The following RALGPS2 variants were observed in gnomAD, a reference collection of about 807,000 sequenced individuals.
RALGPS2 encodes the protein ras-specific guanine nucleotide-releasing factor RalGPS2.
In RALGPS2, 43 loss-of-function variants were observed where a neutral mutation model predicts 86.8. The ratio of observed to expected loss-of-function variants is 0.50; its 90% CI spans 0.39 to 0.64. The LOEUF (loss-of-function observed/expected upper bound fraction) is 0.64. RALGPS2 is among the 30% of genes least tolerant of loss of function. The pLI is 0.00. For missense variants in RALGPS2, 536 were observed against 694.6 expected (o/e 0.77, Z 2.57); for synonymous variants, 243 against 231.3 (o/e 1.05, Z -0.46).
At chr1:178,808,881 T>C (rs1258918760) in intron 5 of RALGPS2, among the ~76,000 whole-genome samples, 1 of 152,186 alleles carries the variant, frequency 6.6e-6, no homozygotes, top group Non-Finnish European at 1.5e-5. Context: ...TAATTTTTTC[T>C]TTTTTTAGAG....
At chr1:178,905,711 G>A (rs1572470856) in intron 18 of RALGPS2, among the ~76,000 whole-genome samples, 2 of 152,294 alleles carry the variant, frequency 1.3e-5, no homozygotes, top group East Asian at 1.9e-4. Flanking sequence ...GCTTAATTTA[G>A]AGCAGCCTAT....
At chr1:178,746,814 T>C (rs758296254) in intron 1 of RALGPS2, 126 of 1,097,370 alleles carry the variant, frequency 1.1e-4, no homozygotes, top group Non-Finnish European at 1.8e-4. Context: ...ACACTCTCAT[T>C]GTTCTCCTCC....
rs762498588 is a variant in RALGPS2, at chr1:178,821,592, AT to A, written c.388-12del. On this transcript the variant is annotated intron_variant, in intron 6 of 19. Coordinates refer to ENST00000367635, the MANE Select transcript of RALGPS2 (RefSeq NM_152663.5). ...TTGTTCTTTTTCATCCCTCTCCCCC[AT>A]TTTTTTTCAAATCTTCAGAAACTGT... The A allele has an allele frequency of 2.0e-5, 32 of 1,582,184 alleles. No individual in the cohort carries two copies. The highest frequency in any genetic ancestry group is 7.0e-5 in the Admixed American group (4 of 57,152).
At chr1:178,848,653 G>A (rs1315787403) in intron 8 of RALGPS2, among the ~76,000 whole-genome samples, 3 of 152,132 alleles carry the variant, frequency 2.0e-5, no homozygotes, top group Admixed American at 2.0e-4. Flanking sequence ...CGAAAACTTG[G>A]ATATTGTTTT....
chr1:178,850,687 CT>C (rs1442223953), intron 8 of RALGPS2: 2 of 152,392 alleles, frequency 1.3e-5, no homozygotes, highest in African/African-American at 4.8e-5. Flanking sequence ...CTAGAGGTTT[CT>C]CCCTAATTTT....
At chr1:178,737,711 T>C (rs1572269980) in intron 1 of RALGPS2, among the ~76,000 whole-genome samples, 1 of 152,240 alleles carries the variant, frequency 6.6e-6, no homozygotes, top group Non-Finnish European at 1.5e-5. Flanking sequence ...CTTATTTTAA[T>C]GTAAGATCTA....
intron 2 of RALGPS2, among the ~76,000 whole-genome samples, chr1:178,777,519 C>G (rs1245148795): frequency 6.6e-6 from 1 of 151,558 alleles, no homozygotes; most frequent in Non-Finnish European, 1.5e-5. Flanking sequence ...CAATGACTTT[C>G]TTCACAGAAT....
rs1659740339 is a variant in RALGPS2, at chr1:178,892,176, A to C, written c.1248-54A>C. ...TATACTGTTCTAGGTATTGATAATG[A>C]CTGTGTGAATAAAAGTATATGTAAT... On this transcript the variant is annotated intron_variant, in intron 14 of 19. Transcript: ENST00000367635. 5 of 1,458,990 alleles carry C rather than the reference A, an allele frequency of 3.4e-6. No individual in the cohort carries two copies. The Middle Eastern group carries it at 5.3e-4, about 154-fold the overall frequency. The allele number at this position is 1,458,990 out of a possible 1,614,324, so 90.4% of individuals were successfully genotyped here.
rs74570891 is a variant in RALGPS2, at chr1:178,779,276, T to A, written c.57+2455T>A. On this transcript the variant is annotated intron_variant, in intron 2 of 19. Transcript: ENST00000367635. ...GATTGTATTTTTGCCCCAACTTTTT[T>A]ATTTTTTTCTTTGTGTATAAATCTA... Among the ~76,000 whole-genome samples, 290 of 152,342 alleles carry A rather than the reference T, an allele frequency of 1.9e-3. 2 individuals are homozygous for A. The highest frequency in any genetic ancestry group is 6.6e-3 in the African/African-American group (273 of 41,582).
intron 4 of RALGPS2, 130 bp from the exon 5 acceptor site, chr1:178,807,915 T>C: frequency 1.4e-6 from 1 of 694,088 alleles, no homozygotes; most frequent in Non-Finnish European, 2.6e-6. Context: ...GATATAATAT[T>C]ATGTATGTTC....
chr1:178,785,123 A>T (rs1007656233), intron 3 of RALGPS2, among the ~76,000 whole-genome samples: 7 of 152,012 alleles, frequency 4.6e-5, no homozygotes, highest in African/African-American at 1.7e-4. Context: ...TAGCATATAA[A>T]GCTCTTAGAT....
chr1:178,747,889 G>A, intron 1 of RALGPS2: 1 of 548,772 alleles, frequency 1.8e-6, no homozygotes, highest in Non-Finnish European at 3.3e-6. Flanking sequence ...TAAAATCAGT[G>A]AACTAGCACT....
In RALGPS2 at chr1:178,886,111, A is replaced by G. The variant is rs1460690428; in HGVS notation, c.1183A>G (p.Ile395Val). The G allele has an allele frequency of 6.8e-6, 11 of 1,611,360 alleles. No homozygotes were observed. The highest frequency in any genetic ancestry group is 9.3e-6 in the Non-Finnish European group (11 of 1,179,208). ...QAESSTLSSG[I>V]SIGSSDGSEL... is the part of the protein sequence containing the mutation. ...TGAAAGTTCTACTCTTTCTAGTGGA[A>G]TATCAATAGGTGAGAAATACTTCTC... Residue 395 changes from isoleucine (I) to valine (V), a missense_variant, in exon 13 of 20, where the codon ATA becomes GTA. Transcript: ENST00000367635.
At chr1:178,880,974 TTTTC>T (rs762699035) in intron 10 of RALGPS2, among the ~76,000 whole-genome samples, 2 of 152,176 alleles carry the variant, frequency 1.3e-5, no homozygotes, top group Non-Finnish European at 2.9e-5. Context: ...CTGGTTTTTG[TTTTC>T]ATGAGGAGCT....
intron 1 of RALGPS2, among the ~76,000 whole-genome samples, chr1:178,740,059 A>T (rs553882251): frequency 6.6e-6 from 1 of 152,306 alleles, no homozygotes; most frequent in South Asian, 2.1e-4. Flanking sequence ...GCAACCTTTG[A>T]CTTAATAATC....
intron 8 of RALGPS2, chr1:178,850,416 G>A (rs1657095300): frequency 1.3e-5 from 2 of 152,236 alleles, no homozygotes; most frequent in South Asian, 4.1e-4. Flanking sequence ...TTGGTGTTCA[G>A]CATATCATAT....
At chr1:178,907,570 C>T (rs573717763) in intron 19 of RALGPS2, among the ~76,000 whole-genome samples, 3 of 152,162 alleles carry the variant, frequency 2.0e-5, no homozygotes, top group Non-Finnish European at 4.4e-5. Flanking sequence ...AACCCTGTTG[C>T]ACAGTTAGAG....
chr1:178,864,614 G>A (rs1228592318), intron 8 of RALGPS2, among the ~76,000 whole-genome samples: 1 of 152,146 alleles, frequency 6.6e-6, no homozygotes, highest in Admixed American at 6.6e-5. Flanking sequence ...CGACGACCTA[G>A]CTAGAAGCTG....
chr1:178,851,342 A>T (rs1417077770), intron 8 of RALGPS2: 1 of 1,585,164 alleles, frequency 6.3e-7, no homozygotes, highest in Admixed American at 1.8e-5. Context: ...ACAGATATAA[A>T]TGTAAAAGTT....
Sources: gnomAD v4.1 joint callset for allele counts (sites outside exome capture counted in the v4.1 genomes callset) on GRCh38, gnomAD v4.1.1 for gene constraint, MANE v1.5 for transcripts, NCBI Gene and HGNC (gene_info 2026-07-23, HGNC 2026-07-21) for gene names.